PRELID2: variants seen among roughly 807,000 people sequenced by gnomAD.
PRELID2 encodes the protein PRELI domain containing 2.
Under a neutral mutation model 28.4 loss-of-function variants are expected in PRELID2, and 25 were observed. The observed-to-expected ratio is 0.88, with a 90% CI of 0.64 to 1.23. The LOEUF is 1.23. PRELID2 is among the 50% of genes most tolerant of loss of function. PRELID2 has a pLI of 0.00. For missense variants in PRELID2, 201 were observed against 214.4 expected, an observed-to-expected ratio of 0.94 and a Z score of 0.39; for synonymous variants, 76 against 71.6, an observed-to-expected ratio of 1.06 and a Z score of -0.31.
chr5:145,300,064 GATT>G, the PRELID2 span, among the ~76,000 whole-genome samples: 1 of 151,032 alleles, frequency 6.6e-6, no homozygotes, highest in Non-Finnish European at 1.5e-5. Context: ...TATCTTTATC[GATT>G]ATTACATTGT....
At chr5:145,313,281 A>T in the PRELID2 span, among the ~76,000 whole-genome samples, 1 of 152,236 alleles carries the variant, frequency 6.6e-6, no homozygotes, top group Admixed American at 6.5e-5. Context: ...ATTATTTTTT[A>T]AAAAGTGAAG....
intron 1 of PRELID2, among the ~76,000 whole-genome samples, chr5:145,720,157 A>T (rs1251270078): frequency 6.6e-6 from 1 of 151,818 alleles, no homozygotes; most frequent in Non-Finnish European, 1.5e-5. Flanking sequence ...CTGAAAAAGA[A>T]AAAAGAATGT....
At chr5:145,748,430 C>T (rs928561693) in intron 1 of PRELID2, among the ~76,000 whole-genome samples, 4 of 152,038 alleles carry the variant, frequency 2.6e-5, no homozygotes, top group Admixed American at 6.5e-5. Context: ...ATATGAAGAA[C>T]GTCTTCAAGG....
chr5:145,784,006 G>C (rs1751818718), intron 5 of PRELID2, among the ~76,000 whole-genome samples: 1 of 152,158 alleles, frequency 6.6e-6, no homozygotes, highest in Non-Finnish European at 1.5e-5. Context: ...GGGGGCTGGG[G>C]CATGGTGGTT....
intron 4 of PRELID2, among the ~76,000 whole-genome samples, chr5:145,810,997 G>A (rs746429888): frequency 7.1e-6 from 1 of 141,794 alleles, no homozygotes; most frequent in South Asian, 2.3e-4. Context: ...AAGGAAAGCG[G>A]TTTAATGGAC....
chr5:145,540,703 A>T (rs1358865365), intron 1 of PRELID2, among the ~76,000 whole-genome samples: 2 of 151,752 alleles, frequency 1.3e-5, no homozygotes, highest in Non-Finnish European at 2.9e-5. Flanking sequence ...AAAAAAAAAA[A>T]AGGTGGGGGA....
At chr5:145,514,318 C>CAAAAAAAAAAAAAAAAAA (rs55760860) in intron 1 of PRELID2, among the ~76,000 whole-genome samples, 31 of 67,454 alleles carry the variant, frequency 4.6e-4, no homozygotes, top group Non-Finnish European at 6.0e-4. Context: ...AAATGGAAAG[C>CAAAAAAAAAAAAAAAAAA]AAAAAAAAAA....
In PRELID2 at chr5:145,815,053, T is replaced by C. The variant is rs1754203677; in HGVS notation, c.368+2841A>G. Among the ~76,000 whole-genome samples, 3 of 152,222 alleles carry C rather than the reference T, an allele frequency of 2.0e-5. No individual in the cohort carries two copies. The South Asian group carries it at 6.2e-4, about 32-fold the overall frequency. On this transcript the variant is annotated intron_variant, in intron 4 of 6. Coordinates refer to ENST00000683046, the MANE Select transcript of PRELID2 (RefSeq NM_205846.3). ...ACTTTAACCTACAATGGGATGGTAC[T>C]AGGAGACTGAGACTTTGGGAGGTAA...
At chr5:145,520,328 T>TAAATAAAATAAAATA (rs1429116752) in intron 1 of PRELID2, among the ~76,000 whole-genome samples, 4 of 152,154 alleles carry the variant, frequency 2.6e-5, no homozygotes, top group African/African-American at 4.8e-5. Context: ...ATCCTCTCTA[T>TAAATAAAATAAAATA]AAATAAAAAC....
At chr5:145,403,536 C>A in the PRELID2 span, among the ~76,000 whole-genome samples, 12 of 152,172 alleles carry the variant, frequency 7.9e-5, no homozygotes, top group Admixed American at 7.9e-4. Flanking sequence ...TGTTCCTACT[C>A]CCATGAAGAA....
intron 1 of PRELID2, among the ~76,000 whole-genome samples, chr5:145,556,258 T>C (rs1284794081): frequency 6.6e-6 from 1 of 151,866 alleles, no homozygotes; most frequent in African/African-American, 2.4e-5. Flanking sequence ...TCAGAGATTA[T>C]AAGAGCCTTA....
the PRELID2 span, among the ~76,000 whole-genome samples, chr5:145,284,761 G>T: frequency 1.3e-5 from 2 of 152,006 alleles, no homozygotes; most frequent in Non-Finnish European, 2.9e-5. Flanking sequence ...AAAGTGGCTG[G>T]TTTGGATTCT....
At chr5:145,260,474 T>G in the PRELID2 span, among the ~76,000 whole-genome samples, 1 of 152,172 alleles carries the variant, frequency 6.6e-6, no homozygotes, top group Non-Finnish European at 1.5e-5. Context: ...TAATTGAAAT[T>G]TATAGAATAA....
the PRELID2 span, among the ~76,000 whole-genome samples, chr5:145,249,469 A>G: frequency 6.6e-6 from 1 of 152,122 alleles, no homozygotes; most frequent in Non-Finnish European, 1.5e-5. Context: ...TTACATTCCC[A>G]TAGTCTATTT....
At chr5:145,691,251 A>G (rs1755143314) in intron 1 of PRELID2, among the ~76,000 whole-genome samples, 1 of 152,218 alleles carries the variant, frequency 6.6e-6, no homozygotes, top group South Asian at 2.1e-4. Context: ...ACTACCAACT[A>G]GAAAGTGGAA....
At chr5:145,301,045 T>C in the PRELID2 span, among the ~76,000 whole-genome samples, 3 of 152,204 alleles carry the variant, frequency 2.0e-5, no homozygotes, top group Admixed American at 6.5e-5. Flanking sequence ...CCCCCTTGCT[T>C]GTTTGCCTAA....
At chr5:145,712,688 G>A (rs1755727145) in intron 1 of PRELID2, among the ~76,000 whole-genome samples, 2 of 152,112 alleles carry the variant, frequency 1.3e-5, no homozygotes, top group South Asian at 4.1e-4. Flanking sequence ...CATCAAGAGA[G>A]AATATAGTAT....
At chr5:145,716,756 T>C (rs1257145595) in intron 1 of PRELID2, among the ~76,000 whole-genome samples, 1 of 152,222 alleles carries the variant, frequency 6.6e-6, no homozygotes, top group Non-Finnish European at 1.5e-5. Flanking sequence ...GTAATATTAA[T>C]AACAGCTAGC....
chr5:145,245,870 A>C, the PRELID2 span, among the ~76,000 whole-genome samples: 14 of 152,020 alleles, frequency 9.2e-5, no homozygotes, highest in African/African-American at 3.4e-4. Flanking sequence ...GTGCATGTCA[A>C]TGTAAAAAGC....
Sources: gnomAD v4.1 joint callset for allele counts (sites outside exome capture counted in the v4.1 genomes callset) on GRCh38, gnomAD v4.1.1 for gene constraint, MANE v1.5 for transcripts, NCBI Gene and HGNC (gene_info 2026-07-23, HGNC 2026-07-21) for gene names.